The following MTUS2 variants were observed in gnomAD, a reference collection of about 807,000 sequenced individuals.
MTUS2 encodes microtubule-associated tumor suppressor candidate 2.
In MTUS2, 40 loss-of-function variants were observed where a neutral mutation model predicts 114.1. The ratio of observed to expected loss-of-function variants is 0.35; its 90% CI spans 0.27 to 0.46. The LOEUF is 0.46. Ranked by LOEUF, MTUS2 falls within the 20% of genes least tolerant of loss-of-function variation. MTUS2 has a pLI of 1.00. For missense variants in MTUS2, 1,679 were observed against 1,705.4 expected (o/e 0.98, Z 0.27); for synonymous variants, 688 against 672.0 (o/e 1.02, Z -0.37).
At chr13:28,910,185 C>T (rs74714668) in intron 2 of MTUS2, among the ~76,000 whole-genome samples, 2,346 of 152,164 alleles carry the variant, frequency 0.015, 54 homozygotes, top group African/African-American at 0.054. Flanking sequence ...CACCCGTTAC[C>T]CTTCCCAGCC....
intron 1 of MTUS2, among the ~76,000 whole-genome samples, chr13:28,831,593 G>T (rs1459354429): frequency 1.3e-5 from 2 of 152,098 alleles, no homozygotes; most frequent in Non-Finnish European, 2.9e-5. Flanking sequence ...TTCTCAGGAA[G>T]TCAAATATGA....
intron 2 of MTUS2, among the ~76,000 whole-genome samples, chr13:28,851,978 C>T (rs1367221894): frequency 2.0e-5 from 3 of 152,192 alleles, no homozygotes; most frequent in Non-Finnish European, 4.4e-5. Flanking sequence ...TTCACACTTG[C>T]TTTCCATCAC....
intron 8 of MTUS2, among the ~76,000 whole-genome samples, chr13:29,396,305 C>G (rs1873912085): frequency 6.6e-6 from 1 of 152,060 alleles, no homozygotes. Flanking sequence ...TGTATTTTTT[C>G]AGTTTTCTGG....
chr13:29,300,053 A>G (rs966366970), intron 6 of MTUS2, among the ~76,000 whole-genome samples: 1 of 152,216 alleles, frequency 6.6e-6, no homozygotes, highest in Admixed American at 6.5e-5. Context: ...TGTCATTGAA[A>G]TGTCACAGAA....
intron 4 of MTUS2, among the ~76,000 whole-genome samples, chr13:29,075,333 G>A (rs921598461): frequency 3.3e-5 from 5 of 152,162 alleles, no homozygotes; most frequent in African/African-American, 1.2e-4. Flanking sequence ...ATTTTTCATG[G>A]CTCTGGACTC....
In MTUS2 at chr13:29,025,954, G is replaced by A; in HGVS notation, c.1256G>A (p.Gly419Asp). The change falls in exon 3 of 16, where the codon GGT (glycine) becomes GAT (aspartate). Residue 419 changes from glycine (G) to aspartate (D), a missense_variant. Transcript: ENST00000612955. ...QPTGKISPCAGEKLGERTSSS... is the reference protein window; with the variant it reads ...QPTGKISPCADEKLGERTSSS... ...ACTGGCAAAATTTCACCATGTGCAG[G>A]TGAGAAGTTGGGTGAAAGGACATCC... 1 of 1,614,050 alleles carries A rather than the reference G, an allele frequency of 6.2e-7. No individual in the cohort carries two copies. The highest frequency in any genetic ancestry group is 8.5e-7 in the Non-Finnish European group (1 of 1,179,888).
intron 7 of MTUS2, among the ~76,000 whole-genome samples, chr13:29,337,793 G>GTTTTTTTTTT (rs567260002): frequency 7.5e-6 from 1 of 132,626 alleles, no homozygotes; most frequent in African/African-American, 2.9e-5. Flanking sequence ...GTTTGTTTTG[G>GTTTTTTTTTT]TTTTTTTTTT....
intron 9 of MTUS2, among the ~76,000 whole-genome samples, chr13:29,460,372 C>A (rs989827671): frequency 6.6e-6 from 1 of 152,142 alleles, no homozygotes; most frequent in East Asian, 1.9e-4. Flanking sequence ...TGGTTCTCCC[C>A]CAACCCCCAA....
chr13:28,888,472 A>C (rs1354647338), intron 2 of MTUS2, among the ~76,000 whole-genome samples: 1 of 138,610 alleles, frequency 7.2e-6, no homozygotes, highest in Non-Finnish European at 1.5e-5. Context: ...CCCAGGCTGG[A>C]GTGCAATGGC....
intron 15 of MTUS2, 72 bp from the exon 16 acceptor site, chr13:29,502,921 C>T: frequency 2.0e-6 from 3 of 1,484,564 alleles, no homozygotes; most frequent in Non-Finnish European, 1.9e-6. Flanking sequence ...CTTTGCCCTG[C>T]ACCATTGTCC....
rs550912441 is a variant in MTUS2, at chr13:29,163,820, G to A, written c.2644+62850G>A. 2.0e-5 allele frequency among the ~76,000 whole-genome samples: 3 copies of A among 152,308 alleles called. No homozygotes were observed. The Middle Eastern group carries it at 0.01, about 518-fold the overall frequency. On this transcript the variant is annotated intron_variant, in intron 5 of 15. Coordinates refer to ENST00000612955, the MANE Select transcript of MTUS2 (RefSeq NM_001033602.4). ...CATGAGACACTTTTTGGAGTTCACA[G>A]TGCATGCAGTCATACGTGTTAGAAA...
At chr13:29,164,609 T>C (rs1387290031) in intron 5 of MTUS2, among the ~76,000 whole-genome samples, 1 of 152,216 alleles carries the variant, frequency 6.6e-6, no homozygotes, top group East Asian at 1.9e-4. Flanking sequence ...GATGTATATG[T>C]GAATTAAATT....
intron 5 of MTUS2, among the ~76,000 whole-genome samples, chr13:29,240,526 T>G (rs1197278959): frequency 6.6e-6 from 1 of 152,248 alleles, no homozygotes; most frequent in Non-Finnish European, 1.5e-5. Flanking sequence ...TTTTGCTATT[T>G]CAATTGCCTT....
intron 8 of MTUS2, among the ~76,000 whole-genome samples, chr13:29,411,207 G>T (rs1376247153): frequency 3.3e-5 from 5 of 152,170 alleles, no homozygotes; most frequent in Non-Finnish European, 7.4e-5. Flanking sequence ...GTATTTTTGT[G>T]GTTTTATTTT....
chr13:28,826,326 A>G (rs924374564), intron 1 of MTUS2, among the ~76,000 whole-genome samples: 1 of 152,180 alleles, frequency 6.6e-6, no homozygotes, highest in Admixed American at 6.5e-5. Flanking sequence ...CTTTATTTCT[A>G]TTTTTTATTA....
chr13:29,431,209 A>T (rs1273508099), intron 8 of MTUS2, among the ~76,000 whole-genome samples: 6 of 152,258 alleles, frequency 3.9e-5, no homozygotes, highest in Non-Finnish European at 8.8e-5. Context: ...GCATTAATTT[A>T]TTAGGGGAAA....
intron 6 of MTUS2, among the ~76,000 whole-genome samples, chr13:29,308,354 T>G (rs1030745273): frequency 2.0e-5 from 3 of 152,184 alleles, no homozygotes; most frequent in African/African-American, 7.2e-5. Flanking sequence ...GCTAGCCATA[T>G]GCAGAAAAAC....
chr13:29,380,922 CAAAAAAAAA>C, intron 8 of MTUS2, among the ~76,000 whole-genome samples: 1 of 8,188 alleles, frequency 1.2e-4, no homozygotes, highest in African/African-American at 1.9e-4. Flanking sequence ...GACTCCGTCT[CAAAAAAAAA>C]AAAAAAAAAA....
At chr13:29,273,828 T>C (rs1897963903) in intron 5 of MTUS2, among the ~76,000 whole-genome samples, 1 of 152,236 alleles carries the variant, frequency 6.6e-6, no homozygotes, top group Non-Finnish European at 1.5e-5. Flanking sequence ...GATTCATGCA[T>C]GGTATATAGC....
Sources: gnomAD v4.1 joint callset for allele counts (sites outside exome capture counted in the v4.1 genomes callset) on GRCh38, gnomAD v4.1.1 for gene constraint, MANE v1.5 for transcripts, NCBI Gene and HGNC (gene_info 2026-07-23, HGNC 2026-07-21) for gene names.